Variants in ADGRL3 observed in about 807,000 individuals in gnomAD.
ADGRL3 encodes the protein adhesion G protein-coupled receptor L3, also known as calcium-independent alpha-latrotoxin receptor 3.
In ADGRL3, 62 loss-of-function variants were observed where a neutral mutation model predicts 153.5. The observed-to-expected ratio is 0.40, with a 90% CI of 0.33 to 0.50. The LOEUF is 0.50. Among genes scored for constraint, ADGRL3 ranks in the 20% least tolerant of loss-of-function variants. The pLI, the probability that ADGRL3 is intolerant of heterozygous loss-of-function variation, is 0.47. For synonymous variants in ADGRL3, 710 were observed against 672.5 expected (o/e 1.06, Z -0.86); for missense variants, 1,641 against 1,859.4 (o/e 0.88, Z 2.16).
At position 61,294,536 on chromosome 4, in the gene ADGRL3, C is replaced by T. The variant is rs75250637; in HGVS notation, c.-239-88588C>T. Among the ~76,000 whole-genome samples, 39 of 152,150 alleles carry T rather than the reference C, an allele frequency of 2.6e-4. No homozygotes were observed. In the East Asian group the frequency reaches 6.2e-3, roughly 24 times the overall value. Reference sequence around the variant, plus strand: ...ATAAGTCGAGGACTATCTGTCTTCACATTTTAACATATCTGAAATTGGATG... The same window carrying T: ...ATAAGTCGAGGACTATCTGTCTTCATATTTTAACATATCTGAAATTGGATG... On this transcript the variant is annotated intron_variant, in intron 1 of 26. Transcript: ENST00000683033.
chr4:61,470,606 T>G (rs1428614004), intron 2 of ADGRL3, among the ~76,000 whole-genome samples: 5 of 152,100 alleles, frequency 3.3e-5, no homozygotes, highest in African/African-American at 4.8e-5. Context: ...CAGGAAATAA[T>G]TTAACTTTCT....
At chr4:62,037,917 A>G in intron 24 of ADGRL3, 61 bp downstream of exon 24, 1 of 1,584,820 alleles carries the variant, frequency 6.3e-7, no homozygotes, top group Non-Finnish European at 8.7e-7. Context: ...ACTGTCCCTT[A>G]TGATTGGAGC....
At chr4:61,351,726 G>C (rs2096055520) in intron 1 of ADGRL3, among the ~76,000 whole-genome samples, 1 of 151,500 alleles carries the variant, frequency 6.6e-6, no homozygotes, top group Non-Finnish European at 1.5e-5. Flanking sequence ...TAAGCCCACT[G>C]TTGAGACCTA....
intron 21 of ADGRL3, among the ~76,000 whole-genome samples, chr4:62,008,657 A>G (rs530634035): frequency 1.3e-3 from 195 of 151,472 alleles, no homozygotes; most frequent in African/African-American, 4.6e-3. Flanking sequence ...TTAATATATA[A>G]TAATATATTT....
intron 8 of ADGRL3, among the ~76,000 whole-genome samples, chr4:61,750,810 A>AAAAAAAAG (rs746270309): frequency 6.8e-6 from 1 of 147,094 alleles, no homozygotes; most frequent in African/African-American, 2.7e-5. Flanking sequence ...AAAAAAAAAA[A>AAAAAAAAG]AAGTCAAAGC....
At chr4:61,828,308 C>T (rs2148825016) in intron 9 of ADGRL3, among the ~76,000 whole-genome samples, 1 of 152,184 alleles carries the variant, frequency 6.6e-6, no homozygotes, top group Middle Eastern at 3.4e-3. Context: ...AGCATACAGG[C>T]TGCAATGCAA....
intron 1 of ADGRL3, among the ~76,000 whole-genome samples, chr4:61,268,873 A>T (rs1490739188): frequency 4.0e-5 from 6 of 151,578 alleles, no homozygotes; most frequent in Non-Finnish European, 8.9e-5. Context: ...ACATTTATGT[A>T]TTTGGAGAGC....
chr4:61,912,638 T>C, intron 12 of ADGRL3, 81 bp from the exon 13 acceptor site: 1 of 1,245,740 alleles, frequency 8.0e-7, no homozygotes, highest in Non-Finnish European at 1.2e-6. Context: ...TGTAGATGTG[T>C]TCTTTTATTT....
chr4:61,221,559 G>A (rs1009531524), intron 1 of ADGRL3, among the ~76,000 whole-genome samples: 3 of 152,032 alleles, frequency 2.0e-5, no homozygotes, highest in African/African-American at 7.2e-5. Context: ...TTCTTGTTCT[G>A]GGTAACCAAG....
At chr4:61,956,000 T>A (rs2098964877) in intron 17 of ADGRL3, among the ~76,000 whole-genome samples, 1 of 152,210 alleles carries the variant, frequency 6.6e-6, no homozygotes, top group Non-Finnish European at 1.5e-5. Context: ...TAAACATGCA[T>A]GTGCATGTAT....
chr4:61,925,199 T>C (rs2098789275), intron 13 of ADGRL3, among the ~76,000 whole-genome samples: 1 of 152,188 alleles, frequency 6.6e-6, no homozygotes, highest in South Asian at 2.1e-4. Context: ...TTGGATACTT[T>C]CACGATTATT....
chr4:61,251,950 C>G (rs780677027), intron 1 of ADGRL3, among the ~76,000 whole-genome samples: 5 of 149,842 alleles, frequency 3.3e-5, no homozygotes, highest in Non-Finnish European at 7.4e-5. Flanking sequence ...ATGGCCTGAT[C>G]TCAGCTCACT....
At chr4:61,682,345 C>T (rs1192193691) in intron 6 of ADGRL3, among the ~76,000 whole-genome samples, 2 of 151,828 alleles carry the variant, frequency 1.3e-5, no homozygotes, top group East Asian at 1.9e-4. Flanking sequence ...CTCTCCCTTA[C>T]CACAGTTTCT....
intron 5 of ADGRL3, among the ~76,000 whole-genome samples, chr4:61,590,389 A>C (rs1366342123): frequency 6.6e-6 from 1 of 152,086 alleles, no homozygotes; most frequent in East Asian, 1.9e-4. Flanking sequence ...TTTAAAAAAA[A>C]TATTACACAT....
intron 19 of ADGRL3, among the ~76,000 whole-genome samples, chr4:61,995,022 A>G (rs768094553): frequency 2.7e-5 from 4 of 150,682 alleles, no homozygotes; most frequent in Admixed American, 6.6e-5. Flanking sequence ...AGGTGATCCT[A>G]CCACCTCAGC....
intron 6 of ADGRL3, among the ~76,000 whole-genome samples, chr4:61,695,041 C>A (rs1200681370): frequency 6.6e-6 from 1 of 152,162 alleles, no homozygotes; most frequent in Non-Finnish European, 1.5e-5. Context: ...TGCACCATAT[C>A]TTCAGTTATT....
chr4:61,861,854 C>T (rs2098343330), intron 9 of ADGRL3, among the ~76,000 whole-genome samples: 1 of 152,006 alleles, frequency 6.6e-6, no homozygotes. Flanking sequence ...TGAAGGCCCG[C>T]CCTACCTGGA....
chr4:61,847,207 T>A (rs1291648474), intron 9 of ADGRL3, among the ~76,000 whole-genome samples: 3 of 151,998 alleles, frequency 2.0e-5, no homozygotes, highest in Admixed American at 2.0e-4. Context: ...GTAAGTATCT[T>A]TATAAATCAT....
chr4:61,662,321 G>A (rs956132372), intron 5 of ADGRL3, among the ~76,000 whole-genome samples: 2 of 152,230 alleles, frequency 1.3e-5, no homozygotes, highest in Non-Finnish European at 1.5e-5. Context: ...TACTCTTAGG[G>A]GCCTGGGAAG....
Sources: allele counts gnomAD v4.1 joint callset (sites outside exome capture counted in the v4.1 genomes callset), GRCh38; gene constraint gnomAD v4.1.1; transcripts MANE v1.5; gene names NCBI Gene and HGNC (gene_info 2026-07-23, HGNC 2026-07-21).